Variants in CLASP1 observed in about 807,000 individuals in gnomAD.
CLASP1 encodes cytoplasmic linker associated protein 1, also known as CLIP-associating protein 1.
Under a neutral mutation model 192.3 loss-of-function variants are expected in CLASP1, and 38 were observed. That is an observed-to-expected ratio of 0.20 (90% CI 0.15 to 0.26). The LOEUF (loss-of-function observed/expected upper bound fraction) is 0.26, where lower values mean the gene tolerates loss of function less well. Ranked by LOEUF, CLASP1 falls within the 10% of genes least tolerant of loss-of-function variation. CLASP1 has a pLI of 1.00. For missense variants in CLASP1, 1,433 were observed against 1,932.5 expected (o/e 0.74, Z 4.85); for synonymous variants, 691 against 712.8 (o/e 0.97, Z 0.49).
At position 121,518,453 on chromosome 2, in the gene CLASP1, T is replaced by C. The variant is rs183085138; in HGVS notation, c.547-2691A>G. ...GCCTCTAAAACTGTGAAAAAATTAA[T>C]TTCTGTTGTTTAACTCACTCGGTCT... On this transcript the variant is annotated intron_variant, in intron 6 of 39. Coordinates refer to ENST00000263710, the Ensembl canonical transcript of CLASP1. Among the ~76,000 whole-genome samples the C allele has an allele frequency of 2.0e-3, 308 of 152,246 alleles. 1 individual carries two copies. Among genetic ancestry groups the C allele is most frequent in the African/African-American group, 7.1e-3 (295 of 41,550 alleles).
At chr2:121,484,873 G>A (rs2092861406) in intron 8 of CLASP1, among the ~76,000 whole-genome samples, 1 of 152,242 alleles carries the variant, frequency 6.6e-6, no homozygotes, top group Non-Finnish European at 1.5e-5. Context: ...CATTGAGGAT[G>A]AGGATCTACT....
chr2:121,458,338 C>A (rs139435619), intron 13 of CLASP1, among the ~76,000 whole-genome samples: 24 of 152,260 alleles, frequency 1.6e-4, no homozygotes, highest in Admixed American at 4.6e-4. Context: ...TTGTTAAAAA[C>A]CTGTGTATAA....
chr2:121,557,583 C>CTAAA lies in CLASP1; in HGVS notation c.196-27262_196-27259dup, dbSNP rs568104918. Among the ~76,000 whole-genome samples the CTAAA allele has an allele frequency of 2.2e-3, 330 of 151,060 alleles. 2 individuals carry two copies. Among genetic ancestry groups the CTAAA allele is most frequent in the African/African-American group, 7.2e-3 (298 of 41,154 alleles). ...TAGGCGACAGAGTGAGACTCTGTCT[C>CTAAA]TAAATAAATAAATAAATAAAAGAAC... is the stretch of plus-strand genomic sequence containing the variant. On this transcript the variant is annotated intron_variant, in intron 2 of 39. Transcript: ENST00000263710.
At chr2:121,639,202 G>A (rs960842040) in intron 1 of CLASP1, among the ~76,000 whole-genome samples, 7 of 151,936 alleles carry the variant, frequency 4.6e-5, no homozygotes, top group South Asian at 2.1e-4. Flanking sequence ...GCGTGAACCC[G>A]GGAGGCAGAG....
At chr2:121,445,295 G>A (rs952965225) in intron 19 of CLASP1, among the ~76,000 whole-genome samples, 2 of 152,094 alleles carry the variant, frequency 1.3e-5, no homozygotes, top group African/African-American at 4.8e-5. Flanking sequence ...TTGGAAGAAA[G>A]TACCAGCAGA....
intron 34 of CLASP1, 141 bp from the exon 36 acceptor site, chr2:121,367,972 A>T: frequency 9.3e-7 from 1 of 1,080,466 alleles, no homozygotes; most frequent in Non-Finnish European, 1.3e-6. Context: ...CTAGTACTGC[A>T]ATGTAAAAAT....
At chr2:121,470,164 C>A in intron 8 of CLASP1, 2 of 641,298 alleles carry the variant, frequency 3.1e-6, no homozygotes, top group South Asian at 1.5e-5. Context: ...CTTGCTTTCA[C>A]ATACCCAGAA....
intron 1 of CLASP1, among the ~76,000 whole-genome samples, chr2:121,637,869 G>C (rs2071195271): frequency 6.6e-6 from 1 of 151,278 alleles, no homozygotes; most frequent in Non-Finnish European, 1.5e-5. Flanking sequence ...CTGGGCGACA[G>C]AGTGAGACTC....
chr2:121,588,860 GCCCTGT>G (rs2062035473), intron 2 of CLASP1, among the ~76,000 whole-genome samples: 1 of 152,296 alleles, frequency 6.6e-6, no homozygotes, highest in African/African-American at 2.4e-5. Context: ...GGCACTCCTT[GCCCTGT>G]CCCTTTACAT....
chr2:121,402,934 CCAGGTT>C (rs1380124580), intron 26 of CLASP1, among the ~76,000 whole-genome samples: 1 of 152,154 alleles, frequency 6.6e-6, no homozygotes, highest in Non-Finnish European at 1.5e-5. Context: ...CCTCCACCTC[CCAGGTT>C]CAAGTGATTG....
intron 1 of CLASP1, among the ~76,000 whole-genome samples, chr2:121,624,896 T>C (rs2106152431): frequency 6.6e-6 from 1 of 152,372 alleles, no homozygotes; most frequent in Admixed American, 6.5e-5. Context: ...ATTTTCCAAT[T>C]TTCCTGTGGC....
chr2:121,399,199 A>T (rs1283677612), intron 28 of CLASP1, among the ~76,000 whole-genome samples: 1 of 152,220 alleles, frequency 6.6e-6, no homozygotes, highest in Non-Finnish European at 1.5e-5. Context: ...AGCAAATAGA[A>T]CTGGTTTGAA....
At chr2:121,587,144 G>A (rs1576259812) in intron 2 of CLASP1, among the ~76,000 whole-genome samples, 1 of 152,124 alleles carries the variant, frequency 6.6e-6, no homozygotes, top group Non-Finnish European at 1.5e-5. Context: ...GGGAGGCTGA[G>A]GCAGGAGAAT....
intron 1 of CLASP1, among the ~76,000 whole-genome samples, chr2:121,627,405 C>T (rs940156195): frequency 6.6e-6 from 1 of 152,218 alleles, no homozygotes; most frequent in East Asian, 1.9e-4. Flanking sequence ...CCAGGCACTG[C>T]CCTCAACAAG....
intron 9 of CLASP1, among the ~76,000 whole-genome samples, chr2:121,465,104 T>A (rs1185925357): frequency 1.3e-5 from 2 of 152,172 alleles, no homozygotes; most frequent in East Asian, 3.8e-4. Flanking sequence ...CTTTGAAAAC[T>A]GGCACAAGAC....
At position 121,627,521 on chromosome 2, in the gene CLASP1, G is replaced by T. The variant is rs112397512; in HGVS notation, c.-285-21341C>A. On this transcript the variant is annotated intron_variant, in intron 1 of 39. Coordinates refer to ENST00000263710, the Ensembl canonical transcript of CLASP1. ...ACTTTTCCAATTCCTTAGGAAACAT[G>T]GAAAAAAGAAAGGCTACAACAGTGA... is the stretch of plus-strand genomic sequence containing the variant. Among the ~76,000 whole-genome samples, 144 of 152,240 alleles carry T rather than the reference G, an allele frequency of 9.5e-4. 1 individual carries two copies. Among genetic ancestry groups the T allele is most frequent in the African/African-American group, 3.3e-3 (139 of 41,540 alleles).
At chr2:121,550,822 A>G (rs1044003212) in intron 2 of CLASP1, among the ~76,000 whole-genome samples, 4 of 152,180 alleles carry the variant, frequency 2.6e-5, no homozygotes, top group Non-Finnish European at 4.4e-5. Context: ...TCCTACTGAA[A>G]CTACTCCAAA....
intron 30 of CLASP1, 63 bp from the exon 32 acceptor site, chr2:121,387,969 AGTTGTTT>A: frequency 7.9e-7 from 1 of 1,272,542 alleles, no homozygotes; most frequent in Admixed American, 2.4e-5. Flanking sequence ...TGTTGATTAA[AGTTGTTT>A]AAAAAAATAT....
intron 8 of CLASP1, among the ~76,000 whole-genome samples, chr2:121,481,365 A>G (rs1178626415): frequency 6.6e-6 from 1 of 152,180 alleles, no homozygotes. Context: ...TGGAGGTTAA[A>G]CCACCTTCTC....
Sources: gnomAD v4.1 joint callset for allele counts (sites outside exome capture counted in the v4.1 genomes callset) on GRCh38, gnomAD v4.1.1 for gene constraint, MANE v1.5 for transcripts, NCBI Gene and HGNC (gene_info 2026-07-23, HGNC 2026-07-21) for gene names.